Variants in PCBP3 observed in about 807,000 individuals in gnomAD.
PCBP3 encodes the protein poly(rC)-binding protein 3.
Under a neutral mutation model 52.7 loss-of-function variants are expected in PCBP3, and 25 were observed. The ratio of observed to expected loss-of-function variants is 0.47; its 90% CI spans 0.35 to 0.66. The LOEUF is 0.66. Ranked by LOEUF, PCBP3 falls within the 30% of genes least tolerant of loss-of-function variation. The pLI, the probability that PCBP3 is intolerant of heterozygous loss-of-function variation, is 0.01. For synonymous variants in PCBP3, 162 were observed against 183.0 expected (o/e 0.89, Z 0.93); for missense variants, 391 against 490.3 (o/e 0.80, Z 1.91).
chr21:45,731,540 T>C (rs2145768185), intron 2 of PCBP3, among the ~76,000 whole-genome samples: 1 of 152,320 alleles, frequency 6.6e-6, no homozygotes, highest in East Asian at 1.9e-4. Flanking sequence ...CTAACTGGCT[T>C]TTGTTTCACC....
At chr21:45,913,361 C>CA (rs1214543582) in intron 11 of PCBP3, among the ~76,000 whole-genome samples, 2 of 149,658 alleles carry the variant, frequency 1.3e-5, no homozygotes, top group Admixed American at 1.3e-4. Flanking sequence ...TGCTGACTGT[C>CA]ACCACGGGCC....
chr21:45,822,610 T>C (rs1425649100), intron 4 of PCBP3, among the ~76,000 whole-genome samples: 2 of 133,650 alleles, frequency 1.5e-5, no homozygotes, highest in African/African-American at 6.6e-5. Context: ...CAGCACAGGA[T>C]AGGGCCAGGA....
chr21:45,811,351 A>T (rs758715547), intron 4 of PCBP3, among the ~76,000 whole-genome samples: 13 of 152,216 alleles, frequency 8.5e-5, no homozygotes, highest in Non-Finnish European at 1.8e-4. Flanking sequence ...CCTCTTCCAG[A>T]TTCTAGAAGT....
chr21:45,870,074 T>C (rs143799362), intron 5 of PCBP3, among the ~76,000 whole-genome samples: 1 of 152,372 alleles, frequency 6.6e-6, no homozygotes, highest in African/African-American at 2.4e-5. Context: ...GTTGTAATGT[T>C]ATCGCTTTAT....
intron 4 of PCBP3, among the ~76,000 whole-genome samples, chr21:45,785,995 C>CG (rs2091122320): frequency 6.7e-6 from 1 of 150,060 alleles, no homozygotes; most frequent in Non-Finnish European, 1.5e-5. Context: ...ACAAACACTG[C>CG]GGAAGGCCGC....
chr21:45,812,687 C>T (rs997229168), intron 4 of PCBP3, among the ~76,000 whole-genome samples: 13 of 152,326 alleles, frequency 8.5e-5, no homozygotes, highest in African/African-American at 1.7e-4. Flanking sequence ...CCACCATGCC[C>T]GGCTGTGAAC....
intron 5 of PCBP3, among the ~76,000 whole-genome samples, chr21:45,863,547 G>C (rs1035964846): frequency 1.3e-5 from 2 of 152,206 alleles, no homozygotes; most frequent in Non-Finnish European, 2.9e-5. Context: ...GAGGGGAGCT[G>C]GGCAAAAAGT....
At chr21:45,927,409 C>A (rs1426609856) in intron 13 of PCBP3, among the ~76,000 whole-genome samples, 4 of 136,676 alleles carry the variant, frequency 2.9e-5, no homozygotes, top group African/African-American at 1.1e-4. Flanking sequence ...TTTGGAGGTA[C>A]TGGTGAGAAC....
chr21:45,724,142 C>T lies in PCBP3; in HGVS notation c.-199-11250C>T, dbSNP rs1434121612. ...GTCCCCCTCCTGAAGTCAGATCCTT[C>T]CTGTGGCCTATTTAGGTTTTAGGTA... On this transcript the variant is annotated intron_variant, in intron 2 of 17. Coordinates refer to ENST00000681687, the MANE Select transcript of PCBP3 (RefSeq NM_001384156.1). The surrounding 1 kb of genome is among the most constrained non-coding windows in gnomAD (Gnocchi z 5.3). 6.6e-6 allele frequency among the ~76,000 whole-genome samples: 1 copy of T among 152,190 alleles called. No homozygotes were observed. Among genetic ancestry groups the T allele is most frequent in the African/African-American group, 2.4e-5 (1 of 41,442 alleles).
intron 2 of PCBP3, among the ~76,000 whole-genome samples, chr21:45,710,281 A>G (rs1445967896): frequency 6.6e-6 from 1 of 152,192 alleles, no homozygotes; most frequent in Non-Finnish European, 1.5e-5. Context: ...TTAGGTATAT[A>G]TCTCCTAATG....
At chr21:45,927,944 G>A (rs915112809) in intron 13 of PCBP3, among the ~76,000 whole-genome samples, 1 of 152,138 alleles carries the variant, frequency 6.6e-6, no homozygotes, top group Non-Finnish European at 1.5e-5. Context: ...ACTAGGAGTC[G>A]GGGGTTTGCG....
At chr21:45,814,331 A>G (rs1344368869) in intron 4 of PCBP3, among the ~76,000 whole-genome samples, 2 of 133,336 alleles carry the variant, frequency 1.5e-5, no homozygotes, top group African/African-American at 5.8e-5. Context: ...GTGAGTGGTG[A>G]GCTAGTGAGT....
rs910066337 is a variant in PCBP3 at position 45,817,021 on chromosome 21, C to T, written c.-125-32940C>T. Among the ~76,000 whole-genome samples, 6 of 152,054 alleles carry T rather than the reference C, an allele frequency of 3.9e-5. No individual in the cohort carries two copies. Among genetic ancestry groups the T allele is most frequent in the Non-Finnish European group, 7.4e-5 (5 of 68,016 alleles). On this transcript the variant is annotated intron_variant, in intron 4 of 17. Coordinates refer to ENST00000681687, the MANE Select transcript of PCBP3 (RefSeq NM_001384156.1). The surrounding 1 kb of genome is among the most constrained non-coding windows in gnomAD (Gnocchi z 4.3). ...TCAGCTCCATTCTAATTTTAAGGGA[C>T]GGCTGTGGTATATGGCACGTCTGTT...
rs78961797 is a variant in PCBP3 at position 45,647,596 on chromosome 21, A to T, written c.-279+3728A>T. ...TGGATTGGGTATACATTTATTAGAA[A>T]AAGACTGGAAGGTTGGAATAACCGG... On this transcript the variant is annotated intron_variant, in intron 1 of 17. Transcript: ENST00000681687. Among the ~76,000 whole-genome samples, 464 of 152,284 alleles carry T rather than the reference A, an allele frequency of 3.0e-3. 4 individuals carry two copies. Among genetic ancestry groups the T allele is most frequent in the African/African-American group, 0.011 (446 of 41,552 alleles).
intron 13 of PCBP3, among the ~76,000 whole-genome samples, chr21:45,922,460 T>TGG (rs2074574056): frequency 1.3e-5 from 2 of 151,982 alleles, no homozygotes; most frequent in Non-Finnish European, 2.9e-5. Context: ...GAGGCTAAGG[T>TGG]GGGGCAGTTA....
intron 2 of PCBP3, among the ~76,000 whole-genome samples, chr21:45,722,528 A>T (rs1334881929): frequency 6.6e-6 from 1 of 152,228 alleles, no homozygotes; most frequent in Non-Finnish European, 1.5e-5. Flanking sequence ...TAAGCATAAA[A>T]GCAATCCATA....
intron 5 of PCBP3, among the ~76,000 whole-genome samples, chr21:45,887,259 G>C (rs2095545345): frequency 6.6e-6 from 1 of 152,226 alleles, no homozygotes; most frequent in Non-Finnish European, 1.5e-5. Context: ...AGGCTGTTTT[G>C]TTGTTTTTAG....
chr21:45,909,270 G>A (rs1414742360), intron 9 of PCBP3, 85 bp from the exon 10 acceptor site: 2 of 1,394,402 alleles, frequency 1.4e-6, no homozygotes, highest in Non-Finnish European at 2.0e-6. Flanking sequence ...TTCTGAGTGT[G>A]GGAAGTCAGG....
At chr21:45,701,429 G>A (rs1464227552) in intron 2 of PCBP3, among the ~76,000 whole-genome samples, 1 of 152,124 alleles carries the variant, frequency 6.6e-6, no homozygotes, top group African/African-American at 2.4e-5. Context: ...AACTTCTTAA[G>A]TTGGGTTCTA....
Sources: allele counts gnomAD v4.1 joint callset (sites outside exome capture counted in the v4.1 genomes callset), GRCh38; gene constraint gnomAD v4.1.1; non-coding constraint Gnocchi (gnomAD v3.1); transcripts MANE v1.5; gene names NCBI Gene and HGNC (gene_info 2026-07-23, HGNC 2026-07-21).